The following SPRED2 variants were observed in gnomAD, a reference collection of about 807,000 sequenced individuals.
SPRED2 encodes sprouty related EVH1 domain containing 2.
SPRED2 carries 47 observed loss-of-function variants against 43.0 expected under a neutral mutation model. The ratio of observed to expected loss-of-function variants is 1.09; its 90% CI spans 0.87 to 1.40. The LOEUF is 1.40. Ranked by LOEUF, SPRED2 falls within the 40% of genes most tolerant of loss-of-function variation. SPRED2 has a pLI of 0.00. For missense variants in SPRED2, 561 were observed against 586.4 expected (o/e 0.96, Z 0.45); for synonymous variants, 225 against 225.7 (o/e 1.00, Z 0.03).
At chr2:65,335,748 TAGAG>T (rs67243541) in intron 2 of SPRED2, among the ~76,000 whole-genome samples, 16,864 of 152,170 alleles carry the variant, frequency 0.11, 1,354 homozygotes, top group Non-Finnish European at 0.16. Context: ...GCACAGTTGA[TAGAG>T]ATACTAGAAT....
chr2:65,307,497 G>A (rs1475794702), downstream of SPRED2, among the ~76,000 whole-genome samples: 1 of 141,318 alleles, frequency 7.1e-6, no homozygotes, highest in Non-Finnish European at 1.5e-5. Context: ...CACCTGGCCT[G>A]TATGACATTT....
intron 1 of SPRED2, among the ~76,000 whole-genome samples, chr2:65,365,250 T>C (rs1006795341): frequency 1.3e-5 from 2 of 152,248 alleles, no homozygotes; most frequent in Non-Finnish European, 2.9e-5. Context: ...CTTTCATTTA[T>C]AGAATGCAAA....
chr2:65,359,700 C>A (rs890623812), intron 1 of SPRED2, among the ~76,000 whole-genome samples: 4 of 151,930 alleles, frequency 2.6e-5, no homozygotes, highest in Non-Finnish European at 4.4e-5. Context: ...GAGGCTGAGG[C>A]GGGTGGATCA....
chr2:65,403,539 T>C (rs1382760414), intron 1 of SPRED2, among the ~76,000 whole-genome samples: 1 of 152,200 alleles, frequency 6.6e-6, no homozygotes, highest in Non-Finnish European at 1.5e-5. Flanking sequence ...AATGCTGGGA[T>C]TACATGCGTG....
At chr2:65,379,610 C>A (rs1357546083) in intron 1 of SPRED2, among the ~76,000 whole-genome samples, 1 of 152,180 alleles carries the variant, frequency 6.6e-6, no homozygotes, top group East Asian at 1.9e-4. Flanking sequence ...ACCTTCCCTC[C>A]TATGACAACC....
At chr2:65,376,737 T>C (rs1429183673) in intron 1 of SPRED2, among the ~76,000 whole-genome samples, 1 of 152,116 alleles carries the variant, frequency 6.6e-6, no homozygotes. Flanking sequence ...TTTTTTGAGA[T>C]GGAGTCTCAC....
chr2:65,386,457 C>T (rs1205646679), intron 1 of SPRED2, among the ~76,000 whole-genome samples: 1 of 152,134 alleles, frequency 6.6e-6, no homozygotes, highest in Non-Finnish European at 1.5e-5. Flanking sequence ...TCCTCTCTAT[C>T]GTACCTCTCA....
intron 1 of SPRED2, among the ~76,000 whole-genome samples, chr2:65,392,119 C>T (rs1675650445): frequency 1.3e-5 from 2 of 150,014 alleles, no homozygotes; most frequent in African/African-American, 2.4e-5. Context: ...TGATATTGCA[C>T]AAACTTATGT....
chr2:65,362,565 C>A lies in SPRED2; in HGVS notation c.27-17669G>T, dbSNP rs180951600. ...GATTACAGGCGTAAGCCACTGCGCC[C>A]GGCCGTCACCTGTTATGAAGAAACC... On this transcript the variant is annotated intron_variant, in intron 1 of 5. Transcript: ENST00000356388. Among the ~76,000 whole-genome samples, 143 of 152,160 alleles carry A rather than the reference C, an allele frequency of 9.4e-4. 1 individual carries two copies. In the South Asian group the frequency reaches 0.021, roughly 22 times the overall value.
At chr2:65,430,883 C>G (rs1676666640) in intron 1 of SPRED2, among the ~76,000 whole-genome samples, 1 of 151,634 alleles carries the variant, frequency 6.6e-6, no homozygotes, top group Admixed American at 6.6e-5. Context: ...AAAAAAGTGG[C>G]TGGTGGCGGG....
chr2:65,430,622 G>A (rs997681772), intron 1 of SPRED2, among the ~76,000 whole-genome samples: 1 of 152,160 alleles, frequency 6.6e-6, no homozygotes, highest in African/African-American at 2.4e-5. Flanking sequence ...GGGGGCAAAA[G>A]ACCTGGGGCC....
chr2:65,325,062 C>T (rs1673566699), intron 4 of SPRED2, among the ~76,000 whole-genome samples: 1 of 152,168 alleles, frequency 6.6e-6, no homozygotes, highest in Non-Finnish European at 1.5e-5. Flanking sequence ...GGTTCACAGC[C>T]TTCTCAAGTA....
At chr2:65,371,343 A>G (rs996199378) in intron 1 of SPRED2, among the ~76,000 whole-genome samples, 1 of 152,240 alleles carries the variant, frequency 6.6e-6, no homozygotes, top group African/African-American at 2.4e-5. Flanking sequence ...GTTCTCTTGA[A>G]AAAAGAAGCC....
chr2:65,326,277 AGGCTACT>A (rs1436606719), intron 4 of SPRED2, among the ~76,000 whole-genome samples: 1 of 152,140 alleles, frequency 6.6e-6, no homozygotes. Context: ...GTGTCTCAGA[AGGCTACT>A]GGCTCAGACT....
At chr2:65,362,289 A>G (rs761889948) in intron 1 of SPRED2, among the ~76,000 whole-genome samples, 17 of 151,270 alleles carry the variant, frequency 1.1e-4, no homozygotes, top group Non-Finnish European at 2.2e-4. Flanking sequence ...GTTTTTTTTG[A>G]GATGGAGTCT....
At chr2:65,344,461 T>C in intron 2 of SPRED2, 2 of 589,036 alleles carry the variant, frequency 3.4e-6, no homozygotes, top group South Asian at 3.3e-5. Flanking sequence ...GACATCTTAA[T>C]CAAAGATGCA....
chr2:65,372,449 T>C (rs1675147644), intron 1 of SPRED2, among the ~76,000 whole-genome samples: 1 of 152,068 alleles, frequency 6.6e-6, no homozygotes, highest in African/African-American at 2.4e-5. Context: ...GAAAAGGGAA[T>C]GGTTGCGGCA....
chr2:65,342,121 TATTA>T (rs1374132461), intron 2 of SPRED2, among the ~76,000 whole-genome samples: 3 of 150,338 alleles, frequency 2.0e-5, no homozygotes, highest in Non-Finnish European at 3.0e-5. Flanking sequence ...AAAAACATTT[TATTA>T]ATTAGCAAGC....
intron 1 of SPRED2, among the ~76,000 whole-genome samples, chr2:65,375,621 T>G (rs1328634708): frequency 6.6e-6 from 1 of 152,234 alleles, no homozygotes. Flanking sequence ...CTACCTATTT[T>G]GTAGGTAGAA....
Sources: gnomAD v4.1 joint callset for allele counts (sites outside exome capture counted in the v4.1 genomes callset) on GRCh38, gnomAD v4.1.1 for gene constraint, MANE v1.5 for transcripts, NCBI Gene and HGNC (gene_info 2026-07-23, HGNC 2026-07-21) for gene names.